DAB2IP: variants seen among roughly 807,000 people sequenced by gnomAD.
DAB2IP encodes disabled homolog 2-interacting protein.
DAB2IP carries 28 observed loss-of-function variants against 107.2 expected under a neutral mutation model. That is an observed-to-expected ratio of 0.26 (90% CI 0.19 to 0.36). The LOEUF is 0.36. Among genes scored for constraint, DAB2IP ranks in the 10% least tolerant of loss-of-function variants. The pLI is 1.00. For synonymous variants in DAB2IP, 755 were observed against 706.4 expected, an observed-to-expected ratio of 1.07 and a Z score of -1.09; for missense variants, 1,400 against 1,644.7, an observed-to-expected ratio of 0.85 and a Z score of 2.57.
intron 3 of DAB2IP, among the ~76,000 whole-genome samples, chr9:121,718,256 C>T (rs1564176807): frequency 6.6e-6 from 1 of 152,208 alleles, no homozygotes; most frequent in Non-Finnish European, 1.5e-5. Flanking sequence ...AAGGCTCACT[C>T]ACTCACTCAC....
chr9:121,768,386 G>T, intron 9 of DAB2IP, 46 bp from the exon 10 acceptor site: 1 of 1,606,634 alleles, frequency 6.2e-7, no homozygotes, highest in Non-Finnish European at 8.5e-7. Context: ...TCCTGGGCAG[G>T]GCCTGCCTGG....
chr9:121,688,121 C>T (rs578177851), intron 2 of DAB2IP, among the ~76,000 whole-genome samples: 13 of 152,286 alleles, frequency 8.5e-5, no homozygotes, highest in Admixed American at 5.2e-4. Context: ...CTCCCCTTTC[C>T]TGGGAGGTGG....
At position 121,698,922 on chromosome 9, in the gene DAB2IP, G is replaced by C. The variant is rs886599103; in HGVS notation, c.229-403G>C. ...AGGACAAGCTCGGAGGCGGCAGGGAGGTGAGCGGGGCGGCCGGCCCTGGCG... is the reference window on the plus strand; with the variant it reads ...AGGACAAGCTCGGAGGCGGCAGGGACGTGAGCGGGGCGGCCGGCCCTGGCG... On this transcript the variant is annotated intron_variant, in intron 2 of 15. Transcript: ENST00000408936. This position sits in a 1 kb window ranked among gnomAD's most constrained non-coding sequence, Gnocchi z 4.1. Among the ~76,000 whole-genome samples, 50 of 152,166 alleles carry C rather than the reference G, an allele frequency of 3.3e-4. No individual in the cohort carries two copies. The highest frequency in any genetic ancestry group is 1.2e-3 in the African/African-American group (49 of 41,568).
chr9:121,627,137 A>ACT (rs1163116962), intron 1 of DAB2IP, among the ~76,000 whole-genome samples: 28 of 73,836 alleles, frequency 3.8e-4, no homozygotes, highest in South Asian at 1.1e-3. Flanking sequence ...ACACACACAC[A>ACT]CACTCACACA....
Position 121,634,569 on chromosome 9 carries a change from A to C in DAB2IP, c.41-44109A>C, listed in dbSNP as rs552125944. ...CTCGGTGCGCAGTTTGGAAGGGGTG[A>C]CGCGCAGGTCTGAGAATGGGTGGGC... On this transcript the variant is annotated intron_variant, in intron 1 of 16. Transcript: ENST00000259371. This position sits in a 1 kb window ranked among gnomAD's most constrained non-coding sequence, Gnocchi z 4.7. 6.6e-6 allele frequency among the ~76,000 whole-genome samples: 1 copy of C among 152,186 alleles called. No individual in the cohort carries two copies. The highest frequency in any genetic ancestry group is 2.4e-5 in the African/African-American group (1 of 41,516).
At chr9:121,657,287 C>T (rs1163096164) in intron 1 of DAB2IP, among the ~76,000 whole-genome samples, 1 of 152,218 alleles carries the variant, frequency 6.6e-6, no homozygotes, top group African/African-American at 2.4e-5. Flanking sequence ...GCCTAATCCC[C>T]AGAGCTCTCT....
At chr9:121,695,982 C>T (rs1181642703) in intron 2 of DAB2IP, among the ~76,000 whole-genome samples, 1 of 152,294 alleles carries the variant, frequency 6.6e-6, no homozygotes, top group Non-Finnish European at 1.5e-5. Flanking sequence ...AATTCTCCTG[C>T]CTCAGCCTCC....
Position 121,699,267 on chromosome 9 carries a change from C to T in DAB2IP, c.229-58C>T, listed in dbSNP as rs1315806490. 5.2e-5 allele frequency: 66 copies of T among 1,270,458 alleles called. No homozygotes were observed. The highest frequency in any genetic ancestry group is 5.9e-5 in the Non-Finnish European group (58 of 990,126). The allele number at this position is 1,270,458 out of a possible 1,614,324, so 78.7% of individuals were successfully genotyped here. On this transcript the variant is annotated intron_variant, in intron 2 of 15. Coordinates refer to ENST00000408936, the Ensembl canonical transcript of DAB2IP. This position sits in a 1 kb window ranked among gnomAD's most constrained non-coding sequence, Gnocchi z 6.2. ...GGTGCGGGTCCCGCGCGGGTCCCGG[C>T]CCGCCGCCGCCGCGCTAACCCCGCC...
intron 10 of DAB2IP, 111 bp from the exon 11 acceptor site, chr9:121,770,435 C>G: frequency 2.4e-6 from 3 of 1,238,150 alleles, no homozygotes; most frequent in Admixed American, 4.7e-5. Flanking sequence ...AGGTGGGGAT[C>G]TGCACTTCTG....
chr9:121,617,181 C>T (rs1462100238), intron 1 of DAB2IP, among the ~76,000 whole-genome samples: 1 of 152,086 alleles, frequency 6.6e-6, no homozygotes, highest in Non-Finnish European at 1.5e-5. Flanking sequence ...AAAAATTAGC[C>T]AGGCATGGTG....
At chr9:121,607,417 C>G (rs1830921926) in intron 1 of DAB2IP, among the ~76,000 whole-genome samples, 1 of 152,046 alleles carries the variant, frequency 6.6e-6, no homozygotes, top group Admixed American at 6.5e-5. Context: ...ATCCTCCCAT[C>G]TGAGCCTCCA....
intron 3 of DAB2IP, among the ~76,000 whole-genome samples, chr9:121,742,537 ACAGTC>A (rs1398953233): frequency 6.6e-6 from 1 of 152,226 alleles, no homozygotes; most frequent in Non-Finnish European, 1.5e-5. Context: ...TGAGACGCAG[ACAGTC>A]CAGTCTCTCT....
At chr9:121,770,746 G>T in intron 11 of DAB2IP, 22 bp downstream of exon 11, 1 of 1,611,098 alleles carries the variant, frequency 6.2e-7, no homozygotes, top group Non-Finnish European at 8.5e-7. Context: ...CAGCCATGTT[G>T]GGTGTGGTGG....
Position 121,702,214 on chromosome 9 carries a change from C to CT in DAB2IP, c.362+2757dup, listed in dbSNP as rs1009384104. On this transcript the variant is annotated intron_variant, in intron 3 of 15. Coordinates refer to ENST00000408936, the Ensembl canonical transcript of DAB2IP. The surrounding 1 kb of genome is among the most constrained non-coding windows in gnomAD (Gnocchi z 4.5). ...GTGTTGGGGAGGTGGTTTTTTTGCG[C>CT]TGGAATTCTCTCATCTGGAGGTTGG... Among the ~76,000 whole-genome samples the CT allele has an allele frequency of 2.6e-5, 4 of 152,260 alleles. No individual in the cohort carries two copies. Among genetic ancestry groups the CT allele is most frequent in the African/African-American group, 9.6e-5 (4 of 41,536 alleles).
chr9:121,771,092 C>T (rs1211389230), intron 11 of DAB2IP, among the ~76,000 whole-genome samples: 2 of 152,144 alleles, frequency 1.3e-5, no homozygotes, highest in African/African-American at 4.8e-5. Context: ...ACACATGTTC[C>T]TGGTATTTCC....
intron 1 of DAB2IP, among the ~76,000 whole-genome samples, chr9:121,678,120 C>T (rs1376087027): frequency 2.0e-5 from 3 of 152,238 alleles, no homozygotes; most frequent in Non-Finnish European, 4.4e-5. Context: ...TCACCCTTTA[C>T]AGAAACTCTG....
intron 1 of DAB2IP, among the ~76,000 whole-genome samples, chr9:121,676,952 G>A (rs1386637264): frequency 1.3e-5 from 2 of 152,224 alleles, no homozygotes; most frequent in East Asian, 1.9e-4. Flanking sequence ...TTATGTAGGT[G>A]TGCTAAGGCC....
chr9:121,782,501 T>G lies in DAB2IP; in HGVS notation c.*3T>G. 1.2e-6 allele frequency: 2 copies of G among 1,613,398 alleles called. No homozygotes were observed. Among genetic ancestry groups the G allele is most frequent in the Non-Finnish European group, 1.7e-6 (2 of 1,179,514 alleles). The stretch of plus-strand genomic sequence containing the variant: ...TCAGAAACAGCAGCAATTGTTAACC[T>G]GCCTGAGGAGGGAGGAAGCTACCCA... On this transcript the variant is annotated 3_prime_UTR_variant, in exon 16 of 16. Transcript: ENST00000408936. The surrounding 1 kb of genome is among the most constrained non-coding windows in gnomAD (Gnocchi z 6.1).
exon 16 of DAB2IP, chr9:121,784,552 T>C (rs1835872252): frequency 6.5e-6 from 1 of 154,748 alleles, no homozygotes; most frequent in Admixed American, 6.5e-5. Context: ...ACTGTAAAAG[T>C]GTACAGACTC....
Sources: allele counts gnomAD v4.1 joint callset (sites outside exome capture counted in the v4.1 genomes callset), GRCh38; gene constraint gnomAD v4.1.1; non-coding constraint Gnocchi (gnomAD v3.1); transcripts MANE v1.5; gene names NCBI Gene and HGNC (gene_info 2026-07-23, HGNC 2026-07-21).